TLK1: variants seen among roughly 807,000 people sequenced by gnomAD.
The protein encoded by TLK1 is serine/threonine-protein kinase tousled-like 1.
In TLK1, 24 loss-of-function variants were observed where a neutral mutation model predicts 105.3. That is an observed-to-expected ratio of 0.23 (90% confidence interval 0.17 to 0.32). The LOEUF is 0.32. Ranked by LOEUF, TLK1 falls within the 10% of genes least tolerant of loss-of-function variation. TLK1 has a pLI of 1.00. For synonymous variants in TLK1, 321 were observed against 310.4 expected (o/e 1.03, Z -0.36); for missense variants, 558 against 910.5 (o/e 0.61, Z 4.98).
Position 171,134,005 on chromosome 2 carries a change from TA to T in TLK1, c.140-16149del, listed in dbSNP as rs916491156. On this transcript the variant is annotated intron_variant, in intron 1 of 20. Coordinates refer to ENST00000431350, the MANE Select transcript of TLK1 (RefSeq NM_012290.5). ...TGCCACCATACCTGGCTGTTTTTTT[TA>T]ATCCATAAAATTCATTGTTATGTGC... 2.3e-4 allele frequency among the ~76,000 whole-genome samples: 35 copies of T among 152,192 alleles called. No homozygotes were observed. In the South Asian group the frequency reaches 5.6e-3, roughly 24 times the overall value.
At chr2:171,137,280 T>C (rs1408047847) in intron 1 of TLK1, among the ~76,000 whole-genome samples, 1 of 150,250 alleles carries the variant, frequency 6.7e-6, no homozygotes, top group Admixed American at 6.6e-5. Flanking sequence ...AGACCCTGTT[T>C]CAAAAAAAAA....
intron 1 of TLK1, among the ~76,000 whole-genome samples, chr2:171,169,561 C>T (rs1462216068): frequency 6.6e-5 from 10 of 152,118 alleles, no homozygotes; most frequent in Admixed American, 5.9e-4. Context: ...AGGCATGCAC[C>T]ACCAGGCCCA....
chr2:171,063,333 G>A (rs796818033), intron 3 of TLK1, among the ~76,000 whole-genome samples: 145 of 152,160 alleles, frequency 9.5e-4, no homozygotes, highest in African/African-American at 3.1e-3. Flanking sequence ...GTGACACAGC[G>A]AGACTCCATC....
intron 8 of TLK1, among the ~76,000 whole-genome samples, chr2:171,051,226 A>T (rs1189703646): frequency 1.3e-5 from 2 of 152,306 alleles, no homozygotes; most frequent in South Asian, 4.1e-4. Context: ...GAAGAAGAGG[A>T]TATCTGTTTA....
intron 20 of TLK1, chr2:170,994,708 C>A (rs548963066): frequency 3.9e-6 from 2 of 517,898 alleles, no homozygotes; most frequent in Non-Finnish European, 7.7e-6. Context: ...TGTCCCCAGT[C>A]GAACCTGGGT....
chr2:171,016,019 A>G (rs1210268704), intron 12 of TLK1, among the ~76,000 whole-genome samples: 7 of 152,086 alleles, frequency 4.6e-5, no homozygotes, highest in African/African-American at 1.7e-4. Context: ...TGGAAGTTGC[A>G]GCAAGCTGAG....
At chr2:171,151,752 G>T (rs1692048993) in intron 1 of TLK1, among the ~76,000 whole-genome samples, 1 of 152,168 alleles carries the variant, frequency 6.6e-6, no homozygotes, top group Non-Finnish European at 1.5e-5. Flanking sequence ...TGGGATTACA[G>T]GCGTGAGCCA....
In TLK1 at chr2:171,160,527, G is replaced by T; in HGVS notation, c.-99C>A. 1.9e-6 allele frequency: 3 copies of T among 1,551,404 alleles called. No individual in the cohort carries two copies. The highest frequency in any genetic ancestry group is 2.6e-6 in the Non-Finnish European group (3 of 1,155,614). On this transcript the variant is annotated 5_prime_UTR_variant, in exon 1 of 21. Transcript: ENST00000431350. The surrounding 1 kb of genome is among the most constrained non-coding windows in gnomAD (Gnocchi z 4.4). Reference sequence around the variant, plus strand: ...TCATGGCGGGGGCCGCGCTGAGGGCGAGCGAGAGAGCGAGGGCTGGGAGGG... The same window carrying T: ...TCATGGCGGGGGCCGCGCTGAGGGCTAGCGAGAGAGCGAGGGCTGGGAGGG...
intron 1 of TLK1, among the ~76,000 whole-genome samples, chr2:171,135,293 ATGTG>A (rs1212717192): frequency 7.6e-5 from 9 of 118,954 alleles, no homozygotes; most frequent in Admixed American, 2.5e-4. Flanking sequence ...ATTCCACATT[ATGTG>A]TGTGTTTGTG....
intron 2 of TLK1, among the ~76,000 whole-genome samples, chr2:171,085,654 G>A (rs955138785): frequency 3.3e-5 from 5 of 152,160 alleles, no homozygotes; most frequent in African/African-American, 1.2e-4. Context: ...CACATGGAAA[G>A]CATAGATAAA....
intron 1 of TLK1, among the ~76,000 whole-genome samples, chr2:171,135,319 G>GTGTA (rs533903072): frequency 1.1e-3 from 77 of 70,306 alleles, no homozygotes; most frequent in African/African-American, 3.2e-3. Flanking sequence ...GTGTGTGTGT[G>GTGTA]TATATATATA....
chr2:171,098,163 G>A (rs532223919), intron 2 of TLK1, among the ~76,000 whole-genome samples: 1 of 152,198 alleles, frequency 6.6e-6, no homozygotes, highest in African/African-American at 2.4e-5. Flanking sequence ...CACTGAATAA[G>A]TTCTGAAGCT....
Position 170,993,668 on chromosome 2 carries a change from T to TAAAAAAAAAAAAAAAAAAA in TLK1, c.*93_*111dup, listed in dbSNP as rs71008739. Reference sequence around the variant, plus strand: ...AAACAGTTCTTAACCACGTCTTGTGTAAAAAAAAAAAAAAAAAAAAAAGAA... The same window carrying TAAAAAAAAAAAAAAAAAAA: ...AAACAGTTCTTAACCACGTCTTGTGTAAAAAAAAAAAAAAAAAAAAAAAAAAAAAAAAAAAAAAAAAGAA... On this transcript the variant is annotated 3_prime_UTR_variant, in exon 21 of 21. Coordinates refer to ENST00000431350, the MANE Select transcript of TLK1 (RefSeq NM_012290.5). 9.2e-6 allele frequency: 4 copies of TAAAAAAAAAAAAAAAAAAA among 433,806 alleles called. No individual in the cohort carries two copies. The highest frequency in any genetic ancestry group is 6.3e-5 in the Admixed American group (1 of 15,850). 26.9% of individuals were successfully genotyped at this position (433,806 alleles called of 1,614,324 possible).
intron 12 of TLK1, chr2:171,023,076 A>T: frequency 2.1e-6 from 1 of 471,134 alleles, no homozygotes; most frequent in South Asian, 1.5e-5. Flanking sequence ...GCAGGTGCCA[A>T]TATCGGTCAG....
intron 1 of TLK1, among the ~76,000 whole-genome samples, chr2:171,212,953 T>C (rs1285110789): frequency 6.6e-6 from 1 of 152,086 alleles, no homozygotes; most frequent in East Asian, 1.9e-4. Context: ...TTTATCCTAA[T>C]TTCATATCTG....
intron 3 of TLK1, among the ~76,000 whole-genome samples, chr2:171,078,523 C>A (rs531301475): frequency 5.9e-5 from 9 of 151,486 alleles, no homozygotes; most frequent in African/African-American, 2.2e-4. Context: ...GGGCAACAGG[C>A]GAGACTCCGT....
At chr2:171,098,420 A>T (rs56308745) in intron 2 of TLK1, among the ~76,000 whole-genome samples, 17,197 of 152,194 alleles carry the variant, frequency 0.11, 1,525 homozygotes, top group African/African-American at 0.24. Flanking sequence ...GAAAGGTAGA[A>T]ATAAATAATC....
intron 11 of TLK1, 78 bp downstream of exon 11, chr2:171,046,096 T>C (rs919720211): frequency 3.2e-6 from 4 of 1,264,284 alleles, no homozygotes; most frequent in African/African-American, 1.5e-5. Context: ...AAGTATTAAT[T>C]ATAAATAACA....
intron 1 of TLK1, among the ~76,000 whole-genome samples, chr2:171,165,974 G>C (rs1367207742): frequency 2.0e-5 from 3 of 151,924 alleles, no homozygotes; most frequent in Admixed American, 2.0e-4. Context: ...CATACAGTGG[G>C]ATACTGGAGC....
Sources: gnomAD v4.1 joint callset for allele counts (sites outside exome capture counted in the v4.1 genomes callset) on GRCh38, gnomAD v4.1.1 for gene constraint, Gnocchi (gnomAD v3.1) non-coding constraint, MANE v1.5 for transcripts, NCBI Gene and HGNC (gene_info 2026-07-23, HGNC 2026-07-21) for gene names.